The following STIM1 variants were observed in gnomAD, a reference collection of about 807,000 sequenced individuals.
STIM1 encodes the protein stromal interaction molecule 1.
In STIM1, 25 loss-of-function variants were observed where a neutral mutation model predicts 74.7. That is an observed-to-expected ratio of 0.33 (90% CI 0.24 to 0.47). The LOEUF is 0.47. STIM1 is among the 20% of genes least tolerant of loss of function. The pLI, the probability that STIM1 is intolerant of heterozygous loss-of-function variation, is 1.00. For missense variants in STIM1, 728 were observed against 920.8 expected (o/e 0.79, Z 2.71); for synonymous variants, 328 against 348.8 (o/e 0.94, Z 0.66).
At chr11:4,080,906 A>G (rs1198241921) in intron 7 of STIM1, among the ~76,000 whole-genome samples, 1 of 152,150 alleles carries the variant, frequency 6.6e-6, no homozygotes, top group African/African-American at 2.4e-5. Flanking sequence ...CTTTTAATAT[A>G]GAACTTGATC....
intron 2 of STIM1, among the ~76,000 whole-genome samples, chr11:3,984,423 A>G (rs1314862351): frequency 1.3e-5 from 2 of 152,194 alleles, no homozygotes; most frequent in African/African-American, 4.8e-5. Flanking sequence ...TGGACAGAAC[A>G]GAGATAGCTG....
chr11:4,040,265 G>A (rs2094138157), intron 3 of STIM1, among the ~76,000 whole-genome samples: 1 of 152,146 alleles, frequency 6.6e-6, no homozygotes, highest in Admixed American at 6.5e-5. Flanking sequence ...TAGCATACAA[G>A]GTCCATGCTT....
chr11:4,082,119 A>G (rs776572244), intron 7 of STIM1, 65 bp from the exon 8 acceptor site: 191 of 1,523,314 alleles, frequency 1.3e-4, no homozygotes, highest in Non-Finnish European at 1.7e-4. Flanking sequence ...GTTCTGAAGC[A>G]TCATACAGAG....
chr11:3,973,212 A>G, intron 2 of STIM1: 1 of 452,408 alleles, frequency 2.2e-6, no homozygotes, highest in South Asian at 1.7e-5. Context: ...GGCTGCTACC[A>G]AAGTCACCAC....
At chr11:3,926,887 T>TAA in intron 1 of STIM1, among the ~76,000 whole-genome samples, 1 of 152,350 alleles carries the variant, frequency 6.6e-6, no homozygotes, top group Middle Eastern at 3.4e-3. Context: ...AGTTGACAGA[T>TAA]GCTTAAGTAT....
intron 2 of STIM1, among the ~76,000 whole-genome samples, chr11:3,972,694 C>T (rs2093408358): frequency 6.6e-6 from 1 of 152,152 alleles, no homozygotes; most frequent in African/African-American, 2.4e-5. Context: ...TTTGTAGCAG[C>T]TAGGCCCTGC....
At chr11:3,943,639 C>T (rs965392304) in intron 1 of STIM1, among the ~76,000 whole-genome samples, 1 of 152,146 alleles carries the variant, frequency 6.6e-6, no homozygotes, top group Admixed American at 6.6e-5. Context: ...CAGTGGCTCA[C>T]GCCTGTAACC....
intron 2 of STIM1, among the ~76,000 whole-genome samples, chr11:3,995,614 A>G (rs1433801594): frequency 2.6e-5 from 4 of 152,120 alleles, no homozygotes; most frequent in Admixed American, 1.3e-4. Flanking sequence ...TTGAAGGGAT[A>G]GTTCCTGAGG....
intron 1 of STIM1, among the ~76,000 whole-genome samples, chr11:3,858,233 G>GTTTTTTTTTTTTTTTTTTTTTTTTTT (rs370455770): frequency 1.4e-5 from 2 of 146,078 alleles, no homozygotes. Flanking sequence ...TATTAGGAAG[G>GTTTTTTTTTTTTTTTTTTTTTTTTTT]TTTTTTTTTT....
At chr11:3,928,932 G>A (rs1260677664) in intron 1 of STIM1, among the ~76,000 whole-genome samples, 2 of 152,152 alleles carry the variant, frequency 1.3e-5, no homozygotes, top group African/African-American at 4.8e-5. Flanking sequence ...GCACATTGGA[G>A]CAATCTCGGC....
chr11:3,962,498 T>A (rs1375161597), intron 1 of STIM1, among the ~76,000 whole-genome samples: 2 of 152,080 alleles, frequency 1.3e-5, no homozygotes, highest in African/African-American at 4.8e-5. Flanking sequence ...ATTTTCTTTA[T>A]GCAGTCATCC....
chr11:4,058,746 A>G (rs902045178), intron 4 of STIM1: 1 of 967,942 alleles, frequency 1.0e-6, no homozygotes, highest in Non-Finnish European at 1.2e-6. Flanking sequence ...AGCTAACAGG[A>G]CTAATTCCAT....
chr11:3,941,698 T>G (rs10835346), intron 1 of STIM1, among the ~76,000 whole-genome samples: 1 of 123,530 alleles, frequency 8.1e-6, no homozygotes, highest in Non-Finnish European at 1.6e-5. Context: ...AGAGAGAGAG[T>G]GTGTGTGTGT....
At chr11:3,860,358 A>C (rs2090549369) in intron 1 of STIM1, among the ~76,000 whole-genome samples, 1 of 152,256 alleles carries the variant, frequency 6.6e-6, no homozygotes, top group South Asian at 2.1e-4. Flanking sequence ...AGAAAATTAA[A>C]TCATAGAGAG....
intron 1 of STIM1, among the ~76,000 whole-genome samples, chr11:3,871,856 G>A (rs1359669529): frequency 6.6e-6 from 1 of 152,098 alleles, no homozygotes; most frequent in East Asian, 1.9e-4. Context: ...TATCTTACAA[G>A]GTTGATGTGT....
chr11:3,861,702 G>A lies in STIM1; in HGVS notation c.139+5293G>A, dbSNP rs1478905976. Among the ~76,000 whole-genome samples, 4 of 152,292 alleles carry A rather than the reference G, an allele frequency of 2.6e-5. No homozygotes were observed. The East Asian group carries it at 7.7e-4, about 29-fold the overall frequency. ...TGCTCCATATGTAATTGAAGGAAAT[G>A]CTAACTTTCAGTAAGAGAATATTGA... On this transcript the variant is annotated intron_variant, in intron 1 of 12. Transcript: ENST00000526596.
intron 1 of STIM1, among the ~76,000 whole-genome samples, chr11:3,941,258 C>T (rs1035163791): frequency 2.0e-5 from 3 of 152,012 alleles, no homozygotes; most frequent in Non-Finnish European, 4.4e-5. Context: ...ATCTACAGTT[C>T]GAAGACTTCT....
At chr11:4,009,211 C>T (rs1164797122) in intron 2 of STIM1, among the ~76,000 whole-genome samples, 3 of 151,482 alleles carry the variant, frequency 2.0e-5, no homozygotes, top group African/African-American at 7.3e-5. Context: ...AGGAGAATGG[C>T]GTGAACTCAG....
At chr11:4,011,816 G>T (rs1477840808) in intron 2 of STIM1, among the ~76,000 whole-genome samples, 8 of 152,126 alleles carry the variant, frequency 5.3e-5, no homozygotes, top group African/African-American at 9.7e-5. Context: ...TGTCCTGAAT[G>T]GTATTGCCTA....
Sources: allele counts gnomAD v4.1 joint callset (sites outside exome capture counted in the v4.1 genomes callset), GRCh38; gene constraint gnomAD v4.1.1; transcripts MANE v1.5; gene names NCBI Gene and HGNC (gene_info 2026-07-23, HGNC 2026-07-21).